The following CDH18 variants were observed in gnomAD, a reference collection of about 807,000 sequenced individuals.
CDH18 encodes the protein cadherin-18.
A neutral mutation model predicts 67.9 loss-of-function variants in CDH18; 31 were observed. The observed-to-expected ratio is 0.46, with a 90% CI of 0.34 to 0.62. The LOEUF (loss-of-function observed/expected upper bound fraction) is 0.62. Ranked by LOEUF, CDH18 falls within the 20% of genes least tolerant of loss-of-function variation. CDH18 has a pLI of 0.01. For synonymous variants in CDH18, 362 were observed against 347.2 expected (o/e 1.04, Z -0.48); for missense variants, 890 against 975.5 (o/e 0.91, Z 1.17).
chr5:20,368,461 G>A (rs1021578098), intron 1 of CDH18, among the ~76,000 whole-genome samples: 1 of 152,094 alleles, frequency 6.6e-6, no homozygotes, highest in African/African-American at 2.4e-5. Flanking sequence ...AGTACACAAT[G>A]CAAAGAAAAG....
chr5:19,591,322 A>C (rs958550733), intron 6 of CDH18, 78 bp from the exon 7 acceptor site: 2 of 1,030,998 alleles, frequency 1.9e-6, no homozygotes, highest in South Asian at 4.5e-5. Flanking sequence ...AAATATTTAG[A>C]GCACATATTC....
chr5:19,626,407 TG>T, intron 5 of CDH18, among the ~76,000 whole-genome samples: 1 of 152,306 alleles, frequency 6.6e-6, no homozygotes, highest in South Asian at 2.1e-4. Flanking sequence ...GACTTTTGTG[TG>T]GGTTCCCTAA....
intron 2 of CDH18, among the ~76,000 whole-genome samples, chr5:19,919,030 G>A (rs1792144611): frequency 6.6e-6 from 1 of 152,056 alleles, no homozygotes; most frequent in Non-Finnish European, 1.5e-5. Flanking sequence ...AGTGACTGGA[G>A]ATTGAGTAAA....
intron 1 of CDH18, among the ~76,000 whole-genome samples, chr5:20,406,866 C>T (rs926412097): frequency 3.3e-5 from 5 of 152,118 alleles, no homozygotes; most frequent in African/African-American, 9.7e-5. Context: ...CTTTGGCATG[C>T]TTCGTTAGCC....
At chr5:19,477,023 A>G (rs1579668273) in intron 12 of CDH18, among the ~76,000 whole-genome samples, 1 of 151,522 alleles carries the variant, frequency 6.6e-6, no homozygotes, top group East Asian at 1.9e-4. Context: ...TTGAAGGTTT[A>G]CATCTACCTT....
chr5:19,605,186 C>T (rs563838854), intron 6 of CDH18, among the ~76,000 whole-genome samples: 3 of 151,852 alleles, frequency 2.0e-5, no homozygotes, highest in South Asian at 2.1e-4. Flanking sequence ...ATGACTAGTA[C>T]GTTTCTAAAC....
chr5:19,608,717 T>G (rs1310134036), intron 6 of CDH18, among the ~76,000 whole-genome samples: 1 of 151,888 alleles, frequency 6.6e-6, no homozygotes, highest in South Asian at 2.1e-4. Flanking sequence ...GGCAATTTAC[T>G]ATCATTTAAG....
chr5:20,142,155 C>T (rs1022770604), intron 2 of CDH18, among the ~76,000 whole-genome samples: 10 of 151,984 alleles, frequency 6.6e-5, no homozygotes, highest in Non-Finnish European at 1.0e-4. Flanking sequence ...AAGAATAGTT[C>T]AGTTAGTTAC....
At chr5:19,797,512 T>C (rs998442966) in intron 3 of CDH18, among the ~76,000 whole-genome samples, 1 of 151,978 alleles carries the variant, frequency 6.6e-6, no homozygotes, top group Non-Finnish European at 1.5e-5. Context: ...GTTGGTAGGA[T>C]AGAAGATCAT....
chr5:20,126,401 T>C (rs924278034), intron 2 of CDH18, among the ~76,000 whole-genome samples: 2 of 152,180 alleles, frequency 1.3e-5, no homozygotes, highest in Non-Finnish European at 2.9e-5. Context: ...AAGTTTGTCT[T>C]GGAAAAGATT....
intron 1 of CDH18, among the ~76,000 whole-genome samples, chr5:20,342,166 G>A (rs1012243137): frequency 3.9e-5 from 6 of 152,092 alleles, no homozygotes; most frequent in Admixed American, 3.3e-4. Flanking sequence ...AGCCTCACCC[G>A]GTGTCTACTG....
intron 2 of CDH18, among the ~76,000 whole-genome samples, chr5:20,124,420 C>A (rs1748647612): frequency 6.6e-6 from 1 of 152,158 alleles, no homozygotes; most frequent in African/African-American, 2.4e-5. Flanking sequence ...AACTCAGTTA[C>A]ATCTAATACA....
intron 1 of CDH18, among the ~76,000 whole-genome samples, chr5:20,375,743 G>A (rs1743360802): frequency 6.6e-6 from 1 of 151,826 alleles, no homozygotes; most frequent in South Asian, 2.1e-4. Context: ...TTTTATCTAT[G>A]TATTGTTTCT....
At chr5:19,838,018 C>T (rs1312756944) in intron 3 of CDH18, among the ~76,000 whole-genome samples, 1 of 152,144 alleles carries the variant, frequency 6.6e-6, no homozygotes, top group Non-Finnish European at 1.5e-5. Context: ...CACAAAATTT[C>T]CTGAACAGTT....
At chr5:20,537,659 A>G (rs904388634) in intron 1 of CDH18, among the ~76,000 whole-genome samples, 2 of 152,184 alleles carry the variant, frequency 1.3e-5, no homozygotes, top group African/African-American at 4.8e-5. Context: ...AAGTCTTACT[A>G]TTCAAACACT....
At chr5:20,330,888 C>T (rs560742160) in intron 1 of CDH18, among the ~76,000 whole-genome samples, 2 of 152,106 alleles carry the variant, frequency 1.3e-5, no homozygotes, top group South Asian at 2.1e-4. Context: ...AACTTTCACT[C>T]GTGCTTGAAA....
At position 19,472,670 on chromosome 5, in the gene CDH18, G is replaced by T. The variant is rs1737749884; in HGVS notation, c.*556C>A. On this transcript the variant is annotated 3_prime_UTR_variant, in exon 13 of 13. Transcript: ENST00000382275. The stretch of plus-strand genomic sequence containing the variant: ...GAACTGGGGAGGGCAAAGGGAAATG[G>T]TACATACAAGTCCATGATAGAGTGG... 6.6e-6 allele frequency among the ~76,000 whole-genome samples: 1 copy of T among 151,992 alleles called. No homozygotes were observed. Among genetic ancestry groups the T allele is most frequent in the Non-Finnish European group, 1.5e-5 (1 of 68,006 alleles).
rs758603773 is a variant in CDH18 at position 20,256,984 on chromosome 5, A to ATATC, written c.-579-1483_-579-1480dup. ...ATCTAATCTATCTATATCTATATCT[A>ATATC]TATCTATCTATCTATCTATCTATCA... On this transcript the variant is annotated intron_variant, in intron 1 of 14. Coordinates refer to the CDH18 transcript ENST00000507958. 4.9e-3 allele frequency among the ~76,000 whole-genome samples: 638 copies of ATATC among 128,918 alleles called. 2 individuals are homozygous for ATATC. Among genetic ancestry groups the ATATC allele is most frequent in the Non-Finnish European group, 7.5e-3 (441 of 58,832 alleles). The allele number at this position is 128,918 out of a possible 152,430, so 84.6% of individuals were successfully genotyped here.
chr5:20,293,446 C>G (rs181172767), intron 1 of CDH18, among the ~76,000 whole-genome samples: 2,446 of 151,708 alleles, frequency 0.016, 32 homozygotes, highest in Middle Eastern at 0.031. Context: ...GAGATAAGTG[C>G]TGAATAAAAA....
Sources: gnomAD v4.1 joint callset for allele counts (sites outside exome capture counted in the v4.1 genomes callset) on GRCh38, gnomAD v4.1.1 for gene constraint, MANE v1.5 for transcripts, NCBI Gene and HGNC (gene_info 2026-07-23, HGNC 2026-07-21) for gene names.